Variants in DNM3 observed in about 807,000 individuals in gnomAD.
DNM3 encodes dynamin-3.
A neutral mutation model predicts 101.6 loss-of-function variants in DNM3; 47 were observed. The observed-to-expected ratio is 0.46, with a 90% CI of 0.37 to 0.59. DNM3 has a LOEUF of 0.59. DNM3 is among the 20% of genes least tolerant of loss of function. The probability of loss-of-function intolerance (pLI) is 0.00; values close to 1 mark genes in which losing one functional copy is unlikely to be tolerated. For missense variants in DNM3, 849 were observed against 1,085.7 expected, an observed-to-expected ratio of 0.78 and a Z score of 3.06; for synonymous variants, 385 against 387.9, an observed-to-expected ratio of 0.99 and a Z score of 0.09.
At chr1:172,083,902 C>T (rs1353939851) in intron 12 of DNM3, among the ~76,000 whole-genome samples, 1 of 152,002 alleles carries the variant, frequency 6.6e-6, no homozygotes, top group Non-Finnish European at 1.5e-5. Flanking sequence ...TTTTTCTGGT[C>T]CAGGTGTCTG....
chr1:172,040,485 T>C (rs996292030), intron 7 of DNM3, among the ~76,000 whole-genome samples: 2 of 152,136 alleles, frequency 1.3e-5, no homozygotes, highest in Non-Finnish European at 2.9e-5. Flanking sequence ...TTGGTTTTTT[T>C]TTTTCGTGTT....
At chr1:172,035,819 G>T (rs1288320572) in intron 6 of DNM3, among the ~76,000 whole-genome samples, 2 of 151,954 alleles carry the variant, frequency 1.3e-5, no homozygotes, top group Non-Finnish European at 2.9e-5. Context: ...GCATGCCAGG[G>T]TGCTAACAAT....
intron 20 of DNM3, among the ~76,000 whole-genome samples, chr1:172,406,669 C>T (rs2070910156): frequency 6.6e-6 from 1 of 151,946 alleles, no homozygotes; most frequent in Non-Finnish European, 1.5e-5. Flanking sequence ...CATGATTTTT[C>T]AACAACTATT....
chr1:172,230,079 A>G (rs1225012994), intron 14 of DNM3, among the ~76,000 whole-genome samples: 2 of 152,148 alleles, frequency 1.3e-5, no homozygotes, highest in East Asian at 1.9e-4. Flanking sequence ...TGCTTAACCT[A>G]TAACTCTGAT....
In DNM3 at chr1:172,408,438, T is replaced by C; in HGVS notation, c.*597T>C. 1 of 985,574 alleles carries C rather than the reference T, an allele frequency of 1.0e-6. No individual in the cohort carries two copies. The allele number at this position is 985,574 out of a possible 1,614,324, so 61.1% of individuals were successfully genotyped here. On this transcript the variant is annotated 3_prime_UTR_variant, in exon 21 of 21. Coordinates refer to ENST00000627582, the MANE Select transcript of DNM3 (RefSeq NM_015569.5). ...TAGTTTGCAAAGGAAAAGTCTGCAC[T>C]GTTTGCTCTAAAGAGCTTCTCCTCA... is the stretch of plus-strand genomic sequence containing the variant.
At chr1:172,316,835 C>T (rs1166519841) in intron 16 of DNM3, among the ~76,000 whole-genome samples, 1 of 152,160 alleles carries the variant, frequency 6.6e-6, no homozygotes, top group Non-Finnish European at 1.5e-5. Flanking sequence ...ATCAACGAGA[C>T]AGAAAATTAA....
chr1:172,068,242 C>T (rs766561446), intron 10 of DNM3, among the ~76,000 whole-genome samples: 4 of 152,022 alleles, frequency 2.6e-5, no homozygotes, highest in African/African-American at 4.8e-5. Flanking sequence ...ACAGGAGAAT[C>T]GCTTGAACCC....
intron 17 of DNM3, among the ~76,000 whole-genome samples, chr1:172,326,701 A>G (rs2065951443): frequency 6.6e-6 from 1 of 152,114 alleles, no homozygotes; most frequent in Non-Finnish European, 1.5e-5. Context: ...TTGATATTAA[A>G]TTAGGCAAGT....
At chr1:172,067,530 C>A (rs929509969) in intron 10 of DNM3, among the ~76,000 whole-genome samples, 1 of 152,034 alleles carries the variant, frequency 6.6e-6, no homozygotes, top group Non-Finnish European at 1.5e-5. Flanking sequence ...TTACTTTTAT[C>A]GCCACTAATT....
chr1:172,044,816 T>A (rs1299230823), intron 9 of DNM3, among the ~76,000 whole-genome samples: 2 of 152,146 alleles, frequency 1.3e-5, no homozygotes, highest in African/African-American at 4.8e-5. Context: ...TTGACTAGTG[T>A]TGTGGAGCAA....
At chr1:172,020,166 G>A (rs529049634) in intron 4 of DNM3, among the ~76,000 whole-genome samples, 1 of 152,128 alleles carries the variant, frequency 6.6e-6, no homozygotes, top group African/African-American at 2.4e-5. Flanking sequence ...GTAGTCCTGT[G>A]ATTAGATCTC....
At chr1:172,122,970 A>G (rs1311322543) in intron 13 of DNM3, among the ~76,000 whole-genome samples, 1 of 152,220 alleles carries the variant, frequency 6.6e-6, no homozygotes, top group Non-Finnish European at 1.5e-5. Flanking sequence ...AGCTCTTAGC[A>G]TAGTGCTTGG....
chr1:171,909,195 C>T (rs1469724427), intron 1 of DNM3, among the ~76,000 whole-genome samples: 1 of 152,020 alleles, frequency 6.6e-6, no homozygotes, highest in Non-Finnish European at 1.5e-5. Context: ...AATGTCAGCA[C>T]TTTGGGAGGC....
intron 6 of DNM3, among the ~76,000 whole-genome samples, chr1:172,036,465 G>A (rs976719261): frequency 4.6e-5 from 7 of 151,864 alleles, no homozygotes; most frequent in African/African-American, 1.2e-4. Context: ...CAATGGAACA[G>A]AACAGAGCCC....
At chr1:172,231,926 A>G (rs2061353164) in intron 14 of DNM3, among the ~76,000 whole-genome samples, 1 of 152,234 alleles carries the variant, frequency 6.6e-6, no homozygotes. Flanking sequence ...AAAGCCTCCA[A>G]GAAATATGGG....
chr1:172,068,243 G>C (rs1448091696), intron 10 of DNM3, among the ~76,000 whole-genome samples: 1 of 152,040 alleles, frequency 6.6e-6, no homozygotes, highest in African/African-American at 2.4e-5. Flanking sequence ...CAGGAGAATC[G>C]CTTGAACCCA....
intron 20 of DNM3, among the ~76,000 whole-genome samples, chr1:172,400,646 G>T (rs2070411178): frequency 6.6e-6 from 1 of 151,974 alleles, no homozygotes; most frequent in African/African-American, 2.4e-5. Context: ...TAGTACAAAG[G>T]CCAAAATACT....
intron 14 of DNM3, among the ~76,000 whole-genome samples, chr1:172,250,964 C>G (rs1009072724): frequency 5.9e-5 from 9 of 152,048 alleles, no homozygotes; most frequent in Non-Finnish European, 1.0e-4. Context: ...TTGTTTACCC[C>G]CAATATATTC....
At chr1:171,867,714 C>T (rs1306044262) in intron 1 of DNM3, among the ~76,000 whole-genome samples, 1 of 152,190 alleles carries the variant, frequency 6.6e-6, no homozygotes, top group East Asian at 1.9e-4. Context: ...TCCAAACTCA[C>T]ATGACTGAGT....
Sources: allele counts gnomAD v4.1 joint callset (sites outside exome capture counted in the v4.1 genomes callset), GRCh38; gene constraint gnomAD v4.1.1; transcripts MANE v1.5; gene names NCBI Gene and HGNC (gene_info 2026-07-23, HGNC 2026-07-21).